IST1: variants seen among roughly 807,000 people sequenced by gnomAD.
IST1 encodes IST1 factor associated with ESCRT-III, also known as IST1 homolog.
In IST1, 23 loss-of-function variants were observed where a neutral mutation model predicts 37.0. The ratio of observed to expected loss-of-function variants is 0.62; its 90% CI spans 0.45 to 0.88. The LOEUF is 0.88. Ranked by LOEUF, IST1 falls within the 40% of genes least tolerant of loss-of-function variation. The pLI, the probability that IST1 is intolerant of heterozygous loss-of-function variation, is 0.00. For missense variants in IST1, 488 were observed against 445.4 expected (o/e 1.10, Z -0.86); for synonymous variants, 180 against 161.7 (o/e 1.11, Z -0.86).
rs1272138382 is a variant in IST1 at position 71,928,645 on chromosome 16, AG to A, written c.*833del. 6.6e-6 allele frequency: 1 copy of A among 152,664 alleles called. No homozygotes were observed. The highest frequency in any genetic ancestry group is 1.5e-5 in the Non-Finnish European group (1 of 68,060). The allele number at this position is 152,664 out of a possible 1,614,324, so 9.5% of individuals were successfully genotyped here. On this transcript the variant is annotated 3_prime_UTR_variant, in exon 10 of 10. Coordinates refer to ENST00000378799, the MANE Select transcript of IST1 (RefSeq NM_001270975.2). Reference sequence around the variant, plus strand: ...CCAGCTGCCTTAATAGAAGTACTCAAGTCTTTTGGGTAGTGAGCTGGAAAGC... The same window carrying A: ...CCAGCTGCCTTAATAGAAGTACTCAATCTTTTGGGTAGTGAGCTGGAAAGC...
In IST1 at chr16:71,920,821, G is replaced by A; in HGVS notation, c.440G>A (p.Arg147Lys). The A allele has an allele frequency of 1.2e-6, 2 of 1,606,556 alleles. No individual in the cohort carries two copies. The highest frequency in any genetic ancestry group is 1.1e-5 in the South Asian group (1 of 90,894). ...AACCAGATTGGAACTGTGAATGACA[G>A]GGTAATGAACATACTTGGTAAACAT... ...RTNQIGTVNDRLMHKLSVEAP... is the reference protein window; with the variant it reads ...RTNQIGTVNDKLMHKLSVEAP... Residue 147 changes from arginine to lysine, a missense_variant and splice_region_variant, in exon 5 of 10, where the codon AGG becomes AAG. Around this residue, in one of 2 missense-constraint regions of IST1, gnomAD observed 455 missense variants for 386.2 expected, o/e 1.18. Transcript: ENST00000378799.
chr16:71,901,461 C>T (rs577317616), intron 1 of IST1, among the ~76,000 whole-genome samples: 1 of 152,346 alleles, frequency 6.6e-6, no homozygotes, highest in African/African-American at 2.4e-5. Context: ...GATCCACCCA[C>T]CTCGGCCTCC....
Position 71,930,050 on chromosome 16 carries a change from A to T in IST1, c.*2237A>T, listed in dbSNP as rs2037876109. ...ATGCTAGTTTATCTTTTAGTTACCT[A>T]CCTTAAGCGACTTTCTTTCTTTTCC... On this transcript the variant is annotated 3_prime_UTR_variant, in exon 10 of 10. Transcript: ENST00000378799. 2 of 1,548,204 alleles carry T rather than the reference A, an allele frequency of 1.3e-6. No homozygotes were observed. The highest frequency in any genetic ancestry group is 2.7e-5 in the African/African-American group (2 of 72,774).
upstream of IST1, chr16:71,894,716 T>TTTTAG: frequency 1.8e-6 from 1 of 557,206 alleles, no homozygotes; most frequent in Non-Finnish European, 3.1e-6. Flanking sequence ...TTTTTTTTTT[T>TTTTAG]GTAGCGATGC....
chr16:71,922,560 G>A lies in IST1; in HGVS notation c.639G>A (p.Gly213=). 10 of 1,614,182 alleles carry A rather than the reference G, an allele frequency of 6.2e-6. No individual in the cohort carries two copies. The highest frequency in any genetic ancestry group is 8.5e-6 in the Non-Finnish European group (10 of 1,180,004). ...AGAAAGGAGGCCCTGGAAGAGGAGG[G>A]AGTGGTGGCTTCACAGCACCAGTTG... ...DVKKGGPGRG[G]SGGFTAPVGG... is the part of the protein sequence containing the mutation. Residue 213 remains glycine (G), a synonymous_variant, in exon 7 of 10, where the codon GGG becomes GGA. Transcript: ENST00000378799.
intron 7 of IST1, 136 bp from the exon 8 acceptor site, chr16:71,923,152 A>G: frequency 2.0e-6 from 1 of 504,582 alleles, no homozygotes; most frequent in Non-Finnish European, 3.5e-6. Flanking sequence ...CCTTTTGGGC[A>G]TTTTTAAGGA....
rs1039612513 is a variant in IST1, at chr16:71,928,806, A to G, written c.*993A>G. 1.3e-5 allele frequency: 2 copies of G among 152,216 alleles called. No homozygotes were observed. The highest frequency in any genetic ancestry group is 4.8e-5 in the African/African-American group (2 of 41,448). 9.4% of individuals were successfully genotyped at this position (152,216 alleles called of 1,614,324 possible). ...GCTTTCCTGGATGGATGGGACTCTT[A>G]TGTCATAACTTCTGTTACTCCTTTG... On this transcript the variant is annotated 3_prime_UTR_variant, in exon 10 of 10. Coordinates refer to ENST00000378799, the MANE Select transcript of IST1 (RefSeq NM_001270975.2).
chr16:71,923,016 GATGGTC>G, intron 7 of IST1: 1 of 472,884 alleles, frequency 2.1e-6, no homozygotes, highest in Non-Finnish European at 3.7e-6. Flanking sequence ...TTGTAGATAA[GATGGTC>G]ATTGGTAGTA....
At chr16:71,916,990 C>G in intron 3 of IST1, 57 bp from the exon 4 acceptor site, 1 of 1,151,246 alleles carries the variant, frequency 8.7e-7, no homozygotes, top group South Asian at 1.4e-5. Flanking sequence ...GAAACAAAAG[C>G]TAGGATTTTG....
chr16:71,922,066 G>C (rs1243950828), intron 6 of IST1, among the ~76,000 whole-genome samples: 1 of 152,154 alleles, frequency 6.6e-6, no homozygotes, highest in African/African-American at 2.4e-5. Context: ...GAACCCAGGA[G>C]GTGGAAGAGC....
intron 1 of IST1, 117 bp downstream of exon 1, chr16:71,895,706 A>G: frequency 3.9e-6 from 1 of 257,292 alleles, no homozygotes; most frequent in Non-Finnish European, 6.1e-6. Flanking sequence ...CGGAGGGGGC[A>G]GCTGAGGAGA....
intron 1 of IST1, among the ~76,000 whole-genome samples, chr16:71,900,340 T>G (rs1359039559): frequency 4.2e-5 from 4 of 95,918 alleles, no homozygotes; most frequent in Non-Finnish European, 1.1e-4. Context: ...TTTTTTTTTT[T>G]TTTTTTTTTT....
chr16:71,927,245 A>G (rs1431681179), intron 9 of IST1, among the ~76,000 whole-genome samples: 4 of 152,172 alleles, frequency 2.6e-5, no homozygotes, highest in African/African-American at 9.7e-5. Flanking sequence ...CACACCTGTA[A>G]TCCAGCACTT....
intron 1 of IST1, among the ~76,000 whole-genome samples, chr16:71,898,550 G>T (rs2037029540): frequency 6.6e-6 from 1 of 151,482 alleles, no homozygotes; most frequent in Non-Finnish European, 1.5e-5. Context: ...TGGGCATGGT[G>T]GCGGGCGCCT....
rs1239140517 is a variant in IST1, at chr16:71,898,386, AAAG to A, written c.-16+2800_-16+2802del. ...TCTCTCTCAGAAAAAAAAAAAAAAAAAAGAAACTCTCTTGGTGCGGGGCACTGT... is the reference window on the plus strand; with the variant it reads ...TCTCTCTCAGAAAAAAAAAAAAAAAAAAACTCTCTTGGTGCGGGGCACTGT... On this transcript the variant is annotated intron_variant, in intron 1 of 9. Transcript: ENST00000378799. Among the ~76,000 whole-genome samples, 5 of 146,654 alleles carry A rather than the reference AAAG, an allele frequency of 3.4e-5. No homozygotes were observed. In the Admixed American group the frequency reaches 3.4e-4, roughly 10 times the overall value.
rs2037649905 is a variant in IST1 at position 71,923,167 on chromosome 16, G to A, written c.760-121G>A. ...CCTTTTGGGCATTTTTAAGGATCTT[G>A]AATATTTATATATATTTAGTATGAG... is the stretch of plus-strand genomic sequence containing the variant. On this transcript the variant is annotated intron_variant, in intron 7 of 9. Coordinates refer to ENST00000378799, the MANE Select transcript of IST1 (RefSeq NM_001270975.2). The A allele has an allele frequency of 9.5e-6, 5 of 526,254 alleles. No individual in the cohort carries two copies. The East Asian group carries it at 1.6e-4, about 17-fold the overall frequency. The allele number at this position is 526,254 out of a possible 1,614,324, so 32.6% of individuals were successfully genotyped here. A position where few individuals can be genotyped will look rare whatever the true frequency, so the allele number is the denominator to read the frequency against.
intron 1 of IST1, among the ~76,000 whole-genome samples, chr16:71,910,554 C>T (rs976484158): frequency 2.0e-5 from 3 of 148,122 alleles, no homozygotes; most frequent in East Asian, 2.0e-4. Flanking sequence ...TGCAGTGGGC[C>T]GAGATTGTGC....
chr16:71,896,352 T>TAG (rs1295249014), intron 1 of IST1, among the ~76,000 whole-genome samples: 8 of 152,254 alleles, frequency 5.3e-5, no homozygotes, highest in South Asian at 2.1e-4. Flanking sequence ...GTAGTAAACT[T>TAG]AAAGTCTGGT....
Position 71,915,614 on chromosome 16 carries a change from TTC to T in IST1, c.-15-10_-15-9del, listed in dbSNP as rs1211887971. The T allele has an allele frequency of 5.7e-6, 9 of 1,586,498 alleles. No homozygotes were observed. The highest frequency in any genetic ancestry group is 7.7e-6 in the Non-Finnish European group (9 of 1,165,544). On this transcript the variant is annotated splice_polypyrimidine_tract_variant and intron_variant, in intron 1 of 9. Transcript: ENST00000378799. The stretch of plus-strand genomic sequence containing the variant: ...GACTTGAAAATAGTCATTGTGCTTC[TTC>T]TGTTTCTAGGAGGAACAGCACAGCA...
Sources: allele counts gnomAD v4.1 joint callset (sites outside exome capture counted in the v4.1 genomes callset), GRCh38; gene constraint gnomAD v4.1.1; regional missense constraint gnomAD v4.1.1; transcripts MANE v1.5; gene names NCBI Gene and HGNC (gene_info 2026-07-23, HGNC 2026-07-21).